MMP25: variants seen among roughly 807,000 people sequenced by gnomAD.
MMP25 encodes the protein matrix metalloproteinase-25.
Under a neutral mutation model 62.1 loss-of-function variants are expected in MMP25, and 68 were observed. The observed-to-expected ratio is 1.10, with a 90% CI of 0.90 to 1.34. The LOEUF (loss-of-function observed/expected upper bound fraction) is 1.34. MMP25 is among the 40% of genes most tolerant of loss of function. The probability of loss-of-function intolerance (pLI) is 0.00; values close to 1 mark genes in which losing one functional copy is unlikely to be tolerated. For missense variants in MMP25, 942 were observed against 792.5 expected (o/e 1.19, Z -2.26); for synonymous variants, 407 against 345.6 (o/e 1.18, Z -1.97).
At chr16:3,057,492 C>G in intron 6 of MMP25, 39 bp from the exon 7 acceptor site, 1 of 1,604,118 alleles carries the variant, frequency 6.2e-7, no homozygotes. Context: ...TTGGAGAAAA[C>G]AAACCCCCCT....
At position 3,059,334 on chromosome 16, in the gene MMP25, C is replaced by T. The variant is rs1956076516; in HGVS notation, c.*236C>T. The T allele has an allele frequency of 2.4e-6, 1 of 415,930 alleles. No individual in the cohort carries two copies. Among genetic ancestry groups the T allele is most frequent in the Non-Finnish European group, 4.1e-6 (1 of 242,466 alleles). 25.8% of individuals were successfully genotyped at this position (415,930 alleles called of 1,614,324 possible). The stretch of plus-strand genomic sequence containing the variant: ...GAGACCCCGGCGCTGCCACCGGAAC[C>T]CGCCTTCAGGGGCGCACGCGCGCTG... On this transcript the variant is annotated 3_prime_UTR_variant, in exon 10 of 10. Transcript: ENST00000336577.
At chr16:3,047,720 C>G (rs1472436239) in intron 2 of MMP25, among the ~76,000 whole-genome samples, 173 bp downstream of exon 2, 2 of 152,138 alleles carry the variant, frequency 1.3e-5, no homozygotes, top group Non-Finnish European at 2.9e-5. Context: ...TTATCAAGAA[C>G]CTGGTGGCTC....
In MMP25 at chr16:3,046,873, C is replaced by A. The variant is rs1596489802; in HGVS notation, c.-45C>A. ...CCCAGGTCCCCGGGGCGGCCCCAGCCAGGCCCCCTTCGAACCCCGCCGGCG... is the reference window on the plus strand; with the variant it reads ...CCCAGGTCCCCGGGGCGGCCCCAGCAAGGCCCCCTTCGAACCCCGCCGGCG... On this transcript the variant is annotated 5_prime_UTR_variant, in exon 1 of 10. Transcript: ENST00000336577. 8.3e-7 allele frequency: 1 copy of A among 1,211,300 alleles called. No individual in the cohort carries two copies. Among genetic ancestry groups the A allele is most frequent in the South Asian group, 1.8e-5 (1 of 55,196 alleles). 75.0% of individuals were successfully genotyped at this position (1,211,300 alleles called of 1,614,324 possible).
intron 4 of MMP25, among the ~76,000 whole-genome samples, chr16:3,055,426 C>T (rs557683263): frequency 6.6e-6 from 1 of 151,992 alleles, no homozygotes; most frequent in African/African-American, 2.4e-5. Context: ...AGAGAACCTA[C>T]AGTCGACAGG....
chr16:3,047,953 C>T (rs1317212237), intron 2 of MMP25, among the ~76,000 whole-genome samples: 1 of 151,864 alleles, frequency 6.6e-6, no homozygotes, highest in Non-Finnish European at 1.5e-5. Flanking sequence ...GATTCTCCTG[C>T]CTCAGCCTCC....
chr16:3,058,716 G>C (rs1026614026), intron 9 of MMP25, 47 bp downstream of exon 9: 2 of 1,554,606 alleles, frequency 1.3e-6, no homozygotes, highest in Non-Finnish European at 1.7e-6. Flanking sequence ...GGGGTGGGGA[G>C]AGGGATGTGG....
intron 6 of MMP25, 51 bp from the exon 7 acceptor site, chr16:3,057,480 C>A: frequency 6.3e-7 from 1 of 1,598,234 alleles, no homozygotes; most frequent in Non-Finnish European, 8.6e-7. Flanking sequence ...GGGGTCCCTG[C>A]CTTGGAGAAA....
At position 3,057,197 on chromosome 16, in the gene MMP25, C is replaced by T. The variant is rs756311096; in HGVS notation, c.826C>T (p.Gln276Ter). 13 of 1,612,564 alleles carry T rather than the reference C, an allele frequency of 8.1e-6. No individual in the cohort carries two copies. Among genetic ancestry groups the T allele is most frequent in the Admixed American group, 3.3e-5 (2 of 59,788 alleles). The change falls in exon 5 of 10, where the codon CAG becomes TAG. Residue 276 changes from glutamine to a stop codon, truncating the protein, a stop_gained. Coordinates refer to ENST00000336577, the MANE Select transcript of MMP25 (RefSeq NM_022468.5). LOFTEE classifies it high-confidence loss of function. Reference protein sequence around the residue: ...RLSQDDRDGLQQLYGKAPQTP... With the variant: ...RLSQDDRDGL The stretch of plus-strand genomic sequence containing the variant: ...GTCTCAGGATGACCGCGATGGCCTG[C>T]AGCAACTCTATGGTAGGGGGAGAGG...
rs747774238 is a variant in MMP25 at position 3,058,979 on chromosome 16, AC to A, written c.1575del (p.Val526CysfsTer34). ...CCGCGCCCCCAGGCCCCCCAAAGCG[AC>A]CCCCGTGTCCGAAACCTGCGATTGT... ...GPRAPRPPKA[T>X]PVSETCDCQC... is the part of the protein sequence containing the mutation. On this transcript the variant is annotated frameshift_variant, in exon 10 of 10. Transcript: ENST00000336577. LOFTEE classifies it high-confidence loss of function. 6 of 1,452,138 alleles carry A rather than the reference AC, an allele frequency of 4.1e-6. No homozygotes were observed. The highest frequency in any genetic ancestry group is 2.4e-5 in the South Asian group (2 of 82,256). 90.0% of individuals were successfully genotyped at this position (1,452,138 alleles called of 1,614,324 possible).
chr16:3,057,197 C>A lies in MMP25; in HGVS notation c.826C>A (p.Gln276Lys). ...RLSQDDRDGL[Q>K]QLYGKAPQTP... The stretch of plus-strand genomic sequence containing the variant: ...GTCTCAGGATGACCGCGATGGCCTG[C>A]AGCAACTCTATGGTAGGGGGAGAGG... Residue 276 changes from glutamine (Q) to lysine (K), a missense_variant, in exon 5 of 10, where the codon CAG becomes AAG. Gln to Lys is a moderately conservative substitution (Grantham distance 53). Coordinates refer to ENST00000336577, the MANE Select transcript of MMP25 (RefSeq NM_022468.5). The A allele has an allele frequency of 1.2e-6, 2 of 1,612,686 alleles. No homozygotes were observed. Among genetic ancestry groups the A allele is most frequent in the Non-Finnish European group, 1.7e-6 (2 of 1,179,314 alleles).
chr16:3,056,643 G>C (rs141515396), intron 4 of MMP25, among the ~76,000 whole-genome samples: 42 of 152,138 alleles, frequency 2.8e-4, no homozygotes, highest in African/African-American at 9.6e-4. Flanking sequence ...TTGAACTCTT[G>C]GGCTCAAGCG....
chr16:3,056,492 C>A (rs144855156), intron 4 of MMP25, among the ~76,000 whole-genome samples: 1 of 152,006 alleles, frequency 6.6e-6, no homozygotes, highest in Non-Finnish European at 1.5e-5. Context: ...CTCCACCTCC[C>A]GGGCTCCAGC....
chr16:3,049,949 A>T lies in MMP25; in HGVS notation c.233-60A>T, dbSNP rs768004580. 4.4e-6 allele frequency: 7 copies of T among 1,598,536 alleles called. No homozygotes were observed. In the African/African-American group the frequency reaches 6.7e-5, roughly 15 times the overall value. ...CCCATGTAGAAAGTTGACTGGTGCTATGATTAAGGCAGGCTCTCCTATTGT... is the reference window on the plus strand; with the variant it reads ...CCCATGTAGAAAGTTGACTGGTGCTTTGATTAAGGCAGGCTCTCCTATTGT... On this transcript the variant is annotated intron_variant, in intron 2 of 9. Coordinates refer to ENST00000336577, the MANE Select transcript of MMP25 (RefSeq NM_022468.5).
chr16:3,049,528 C>A (rs1035477555), intron 2 of MMP25, among the ~76,000 whole-genome samples: 1 of 152,206 alleles, frequency 6.6e-6, no homozygotes, highest in Non-Finnish European at 1.5e-5. Flanking sequence ...AGAGACCTAA[C>A]CCAGGAGGGG....
Position 3,059,143 on chromosome 16 carries a change from C to A in MMP25, c.*45C>A, listed in dbSNP as rs1477173937. On this transcript the variant is annotated 3_prime_UTR_variant, in exon 10 of 10. Transcript: ENST00000336577. ...CGAACAGCGCCCTCCACGGCCGAGT[C>A]CCCCGCCGCTGGACCTGGTCGGGGG... The A allele has an allele frequency of 6.8e-7, 1 of 1,477,990 alleles. No homozygotes were observed. The highest frequency in any genetic ancestry group is 9.0e-7 in the Non-Finnish European group (1 of 1,108,068). 91.6% of individuals were successfully genotyped at this position (1,477,990 alleles called of 1,614,324 possible). A position where few individuals can be genotyped will look rare whatever the true frequency, so the allele number is the denominator to read the frequency against.
Position 3,058,837 on chromosome 16 carries a change from C to A in MMP25, c.1428C>A (p.Tyr476Ter). 6.6e-7 allele frequency: 1 copy of A among 1,521,212 alleles called. No homozygotes were observed. The allele number at this position is 1,521,212 out of a possible 1,614,324, so 94.2% of individuals were successfully genotyped here. Residue 476 changes from tyrosine (Y) to a stop codon, truncating the protein, a stop_gained, in exon 10 of 10, where the codon TAC (tyrosine) becomes TAA (stop). Transcript: ENST00000336577. LOFTEE classifies it high-confidence loss of function. ...DVTVSNAGDTYFFKGAHYWRF... is the reference protein window; with the variant it reads ...DVTVSNAGDT The stretch of plus-strand genomic sequence containing the variant: ...GCTCTGCTCCTCCAGGTGACACCTA[C>A]TTCTTCAAGGGCGCCCACTACTGGC...
rs529384425 is a variant in MMP25, at chr16:3,048,287, A to T, written c.232+740A>T. ...TGCACCGTTGCACTCCAACCTGGGC[A>T]ACAGATGGAGACCCAGTCTCTAACC... On this transcript the variant is annotated intron_variant, in intron 2 of 9. Coordinates refer to ENST00000336577, the MANE Select transcript of MMP25 (RefSeq NM_022468.5). 2.0e-4 allele frequency among the ~76,000 whole-genome samples: 30 copies of T among 152,346 alleles called. 1 individual carries two copies. The South Asian group carries it at 5.4e-3, about 27-fold the overall frequency.
At chr16:3,057,713 CTTT>C (rs1956038144) in intron 7 of MMP25, 100 bp downstream of exon 7, 3 of 1,095,184 alleles carry the variant, frequency 2.7e-6, no homozygotes, top group Non-Finnish European at 4.2e-6. Flanking sequence ...CTTTTTTCTT[CTTT>C]GAGACAGGGT....
At position 3,050,477 on chromosome 16, in the gene MMP25, C is replaced by G. The variant is rs1260539871; in HGVS notation, c.592C>G (p.Pro198Ala). Residue 198 changes from proline (P) to alanine (A), a missense_variant, in exon 4 of 10, where the codon CCT becomes GCT. By Grantham distance (27) the Pro-to-Ala change is conservative. Coordinates refer to ENST00000336577, the MANE Select transcript of MMP25 (RefSeq NM_022468.5). ...LGGTLAHAFF[P>A]GEHPISGDTH... The stretch of plus-strand genomic sequence containing the variant: ...GGGCACCCTAGCCCATGCCTTCTTC[C>G]CTGGGGAGCACCCCATCTCCGGGGA... The G allele has an allele frequency of 1.2e-6, 2 of 1,607,952 alleles. No homozygotes were observed. Among genetic ancestry groups the G allele is most frequent in the Admixed American group, 1.7e-5 (1 of 59,392 alleles).
Sources: gnomAD v4.1 joint callset for allele counts (sites outside exome capture counted in the v4.1 genomes callset) on GRCh38, gnomAD v4.1.1 for gene constraint, MANE v1.5 for transcripts, NCBI Gene and HGNC (gene_info 2026-07-23, HGNC 2026-07-21) for gene names.